Variants in ZBTB21 observed in about 807,000 individuals in gnomAD.
The protein encoded by ZBTB21 is zinc finger and BTB domain containing 21.
In ZBTB21, 10 loss-of-function variants were observed where a neutral mutation model predicts 39.8. The observed-to-expected ratio is 0.25, with a 90% CI of 0.16 to 0.43. The LOEUF (loss-of-function observed/expected upper bound fraction) is 0.43, where lower values mean the gene tolerates loss of function less well. Among genes scored for constraint, ZBTB21 ranks in the 20% least tolerant of loss-of-function variants. The pLI is 1.00. For missense variants in ZBTB21, 1,221 were observed against 1,296.3 expected (o/e 0.94, Z 0.89); for synonymous variants, 551 against 498.8 (o/e 1.10, Z -1.40).
At chr21:42,001,585 C>A (rs1035142097) in intron 2 of ZBTB21, among the ~76,000 whole-genome samples, 2 of 152,086 alleles carry the variant, frequency 1.3e-5, no homozygotes, top group Non-Finnish European at 2.9e-5. Flanking sequence ...CCAGGAAGGG[C>A]GTTCTACGAA....
rs1569101340 is a variant in ZBTB21 at position 41,991,280 on chromosome 21, C to G, written c.2816G>C (p.Cys939Ser). 1 of 1,613,772 alleles carries G rather than the reference C, an allele frequency of 6.2e-7. No individual in the cohort carries two copies. The highest frequency in any genetic ancestry group is 2.2e-5 in the East Asian group (1 of 44,890). Residue 939 changes from cysteine (C) to serine (S), a missense_variant, in exon 3 of 3, where the codon TGT becomes TCT. Cys to Ser is a moderately radical substitution (Grantham distance 112). Coordinates refer to ENST00000310826, the MANE Select transcript of ZBTB21 (RefSeq NM_001098402.2). This position sits in a 1 kb window ranked among gnomAD's most constrained non-coding sequence, Gnocchi z 4.9. ...GCGAAAAGCTTTGTTGCACACGTGACAAATAAATGGTTTCACAGAGCACAG... is the reference window on the plus strand; with the variant it reads ...GCGAAAAGCTTTGTTGCACACGTGAGAAATAAATGGTTTCACAGAGCACAG... ...ELLCSVKPFI[C>S]HVCNKAFRTN... is the part of the protein sequence containing the mutation.
chr21:41,993,407 T>A lies in ZBTB21; in HGVS notation c.689A>T (p.Asn230Ile). 6.2e-7 allele frequency: 1 copy of A among 1,614,200 alleles called. No homozygotes were observed. The highest frequency in any genetic ancestry group is 8.5e-7 in the Non-Finnish European group (1 of 1,180,024). The change falls in exon 3 of 3, where the codon AAT becomes ATT. Residue 230 changes from asparagine to isoleucine, a missense_variant. Physicochemically the swap from Asn to Ile is moderately radical, Grantham distance 149. Transcript: ENST00000310826. ...ATTTCTTTTCACCAAACTGATTCTA[T>A]TAGGATCATCCAAAGATCCAGAATG... ...LEHSGSLDDP[N>I]RISLVKRNAV...
In ZBTB21 at chr21:42,000,258, C is replaced by T. The variant is rs116199456; in HGVS notation, c.-14+2639G>A. Among the ~76,000 whole-genome samples, 382 of 152,298 alleles carry T rather than the reference C, an allele frequency of 2.5e-3. 3 individuals are homozygous for T. The highest frequency in any genetic ancestry group is 8.8e-3 in the African/African-American group (365 of 41,566). On this transcript the variant is annotated intron_variant, in intron 2 of 2. Coordinates refer to ENST00000310826, the MANE Select transcript of ZBTB21 (RefSeq NM_001098402.2). ...AAGAATTCAGTTTTGATATCCTACA[C>T]GTGAGCAGCAACCTGTTCATCAATG...
At position 41,993,079 on chromosome 21, in the gene ZBTB21, G is replaced by C. The variant is rs545505185; in HGVS notation, c.1017C>G (p.Leu339=). The change falls in exon 3 of 3, where the codon CTC becomes CTG. Residue 339 remains leucine, a synonymous_variant. Coordinates refer to ENST00000310826, the MANE Select transcript of ZBTB21 (RefSeq NM_001098402.2). The part of the protein sequence containing the change: ...IDRSGPLVKS[L]LRRSLSMDSQ... ...TATCCATCGACAATGACCGTCTGAG[G>C]AGACTCTTAACAAGTGGGCCACTCC... is the stretch of plus-strand genomic sequence containing the variant. 1 of 1,614,208 alleles carries C rather than the reference G, an allele frequency of 6.2e-7. No homozygotes were observed. The highest frequency in any genetic ancestry group is 1.3e-5 in the African/African-American group (1 of 75,046).
chr21:41,991,750 G>A lies in ZBTB21; in HGVS notation c.2346C>T (p.Arg782=). 3 of 1,614,230 alleles carry A rather than the reference G, an allele frequency of 1.9e-6. No individual in the cohort carries two copies. The highest frequency in any genetic ancestry group is 2.5e-6 in the Non-Finnish European group (3 of 1,180,050). Residue 782 remains arginine, a synonymous_variant, in exon 3 of 3, where the codon CGC becomes CGT. Coordinates refer to ENST00000310826, the MANE Select transcript of ZBTB21 (RefSeq NM_001098402.2). This position sits in a 1 kb window ranked among gnomAD's most constrained non-coding sequence, Gnocchi z 4.9. ...AGATGCTGAAAGAGGACTTGAAGGT[G>A]CGCATGCACTCGAGGCAGGTCAGCT... is the stretch of plus-strand genomic sequence containing the variant. The part of the protein sequence containing the change: ...YKKLTCLECM[R]TFKSSFSIWR...
chr21:41,994,900 T>G (rs2065725757), intron 2 of ZBTB21, among the ~76,000 whole-genome samples: 1 of 152,170 alleles, frequency 6.6e-6, no homozygotes, highest in East Asian at 1.9e-4. Flanking sequence ...ATAGTAAGCC[T>G]CATGAGATCT....
rs1971436552 is a variant in ZBTB21, at chr21:41,988,036, G to C, written c.*2859C>G. 1 of 152,098 alleles carries C rather than the reference G, an allele frequency of 6.6e-6. No individual in the cohort carries two copies. The highest frequency in any genetic ancestry group is 2.4e-5 in the African/African-American group (1 of 41,390). 9.4% of individuals were successfully genotyped at this position (152,098 alleles called of 1,614,324 possible). A position where few individuals can be genotyped will look rare whatever the true frequency, so the allele number is the denominator to read the frequency against. On this transcript the variant is annotated 3_prime_UTR_variant, in exon 3 of 3. Transcript: ENST00000310826. ...CACAAATGCAAAGAACATCACTGTT[G>C]AATTGTTAGTTGTATATTCTGGTAA...
At position 42,000,539 on chromosome 21, in the gene ZBTB21, G is replaced by C. The variant is rs149381115; in HGVS notation, c.-14+2358C>G. On this transcript the variant is annotated intron_variant, in intron 2 of 2. Transcript: ENST00000310826. ...ACCAAGGGGAGTTTTCTACATCCCT[G>C]GACCTGAAGCAAATGGTATTCCACA... Among the ~76,000 whole-genome samples the C allele has an allele frequency of 1.1e-3, 173 of 152,250 alleles. 3 individuals are homozygous for C. The East Asian group carries it at 0.03, about 26-fold the overall frequency.
chr21:42,009,724 C>A (rs1435262302), intron 1 of ZBTB21: 1 of 152,528 alleles, frequency 6.6e-6, no homozygotes, highest in African/African-American at 2.4e-5. Context: ...GGCGGCGGGG[C>A]TAGGTCCCGG....
intron 1 of ZBTB21, chr21:42,009,537 G>A (rs399907): frequency 0.67 from 101,300 of 152,080 alleles, 34,940 homozygotes; most frequent in African/African-American, 0.78. Flanking sequence ...GCTCCTGGCC[G>A]GCGGAGGGTG....
chr21:42,007,710 C>A (rs962469162), intron 1 of ZBTB21: 10 of 152,226 alleles, frequency 6.6e-5, no homozygotes, highest in African/African-American at 2.4e-4. Context: ...AAGAAAGAAC[C>A]CTTGTTTGCA....
Position 41,991,006 on chromosome 21 carries a change from A to C in ZBTB21, c.3090T>G (p.His1030Gln). The change falls in exon 3 of 3, where the codon CAT (histidine) becomes CAG (glutamine). Residue 1030 changes from histidine (H) to glutamine (Q), a missense_variant. His to Gln is a conservative substitution (Grantham distance 24). Transcript: ENST00000310826. This position sits in a 1 kb window ranked among gnomAD's most constrained non-coding sequence, Gnocchi z 4.9. ...ATGTGATTGCTGAAAGGGGTGGGGC[A>C]TGGTAAAAAAGGGTGTCTGATTCTT... is the stretch of plus-strand genomic sequence containing the variant. ...VPQESDTLFY[H>Q]APPLSAITFK... 1.9e-6 allele frequency: 3 copies of C among 1,563,942 alleles called. No individual in the cohort carries two copies. Among genetic ancestry groups the C allele is most frequent in the Non-Finnish European group, 2.6e-6 (3 of 1,157,412 alleles).
In ZBTB21 at chr21:41,991,161, TG is replaced by T. The variant is rs758334567; in HGVS notation, c.2934del (p.Thr979GlnfsTer118). On this transcript the variant is annotated frameshift_variant, in exon 3 of 3. Transcript: ENST00000310826. LOFTEE classifies it high-confidence loss of function. The surrounding 1 kb of genome is among the most constrained non-coding windows in gnomAD (Gnocchi z 4.9). ...AGAGGTGGTGGAGAGGGAGAGTTTG[TG>T]GGAACAGGGCACACCTCAGATTCCT... ...AHKESEVCPVPTNSPSPPPLP... is the reference protein window; with the variant it reads ...AHKESEVCPVXTNSPSPPPLP... The T allele has an allele frequency of 1.2e-6, 2 of 1,614,130 alleles. No individual in the cohort carries two copies. The highest frequency in any genetic ancestry group is 2.2e-5 in the South Asian group (2 of 91,070).
Position 41,993,600 on chromosome 21 carries a change from T to G in ZBTB21, c.496A>C (p.Asn166His). The change falls in exon 3 of 3, where the codon AAT (asparagine) becomes CAT (histidine). Residue 166 changes from asparagine to histidine, a missense_variant. This residue lies in a region of ZBTB21 where 500 missense variants were observed against 465.6 expected (regional missense o/e 1.07). Transcript: ENST00000310826. Reference sequence around the variant, plus strand: ...GAAGTATGGCTTACATCGGGTTGATTTTGACTAACAGTTTTTCCTTGCGCT... The same window carrying G: ...GAAGTATGGCTTACATCGGGTTGATGTTGACTAACAGTTTTTCCTTGCGCT... ...NEAQGKTVSQ[N>H]QPDVSHTSRP... 1 of 1,614,262 alleles carries G rather than the reference T, an allele frequency of 6.2e-7. No individual in the cohort carries two copies. The highest frequency in any genetic ancestry group is 8.5e-7 in the Non-Finnish European group (1 of 1,180,044).
Position 41,988,926 on chromosome 21 carries a change from G to C in ZBTB21, c.*1969C>G, listed in dbSNP as rs1292585277. On this transcript the variant is annotated 3_prime_UTR_variant, in exon 3 of 3. Transcript: ENST00000310826. ...GCCATGTAGGTGATGATTACTCAGG[G>C]AAACTGTCTTCTTTTGAAGTGACAG... 1 of 152,064 alleles carries C rather than the reference G, an allele frequency of 6.6e-6. No individual in the cohort carries two copies. Among genetic ancestry groups the C allele is most frequent in the Admixed American group, 6.5e-5 (1 of 15,270 alleles). The allele number at this position is 152,064 out of a possible 1,614,324, so 9.4% of individuals were successfully genotyped here.
rs138155455 is a variant in ZBTB21 at position 41,987,045 on chromosome 21, T to C, written c.*3850A>G. ...AAGGCATATGACAAAATACACAGAA[T>C]TATAAAACCATTCGTTTTTCTTTTA... On this transcript the variant is annotated 3_prime_UTR_variant, in exon 3 of 3. Coordinates refer to ENST00000310826, the MANE Select transcript of ZBTB21 (RefSeq NM_001098402.2). 4.9e-3 allele frequency: 748 copies of C among 152,774 alleles called. 4 individuals carry two copies. Among genetic ancestry groups the C allele is most frequent in the South Asian group, 0.012 (57 of 4,834 alleles). 9.5% of individuals were successfully genotyped at this position (152,774 alleles called of 1,614,324 possible).
rs397867393 is a variant in ZBTB21 at position 41,988,760 on chromosome 21, ATTTT to A, written c.*2131_*2134del. 2 of 147,706 alleles carry A rather than the reference ATTTT, an allele frequency of 1.4e-5. No homozygotes were observed. Among genetic ancestry groups the A allele is most frequent in the African/African-American group, 5.0e-5 (2 of 40,316 alleles). 9.1% of individuals were successfully genotyped at this position (147,706 alleles called of 1,614,324 possible). On this transcript the variant is annotated 3_prime_UTR_variant, in exon 3 of 3. Transcript: ENST00000310826. ...CAGAACCTATGTTTAGATCAAAAAT[ATTTT>A]TTTTTTTTACTGATTAACAATATTA...
intron 2 of ZBTB21, among the ~76,000 whole-genome samples, chr21:41,999,436 T>C (rs1279808913): frequency 5.3e-5 from 8 of 152,154 alleles, no homozygotes. Context: ...AGATGTAAAA[T>C]GTATTCCTTC....
chr21:42,007,861 C>A (rs1233168746), intron 1 of ZBTB21: 6 of 152,214 alleles, frequency 3.9e-5, no homozygotes. Context: ...CAAAACGTGG[C>A]AGTATTCTTT....
Sources: gnomAD v4.1 joint callset for allele counts (sites outside exome capture counted in the v4.1 genomes callset) on GRCh38, gnomAD v4.1.1 for gene constraint, gnomAD v4.1.1 regional missense constraint, Gnocchi (gnomAD v3.1) non-coding constraint, MANE v1.5 for transcripts, NCBI Gene and HGNC (gene_info 2026-07-23, HGNC 2026-07-21) for gene names.